Variants in ANK3 observed in about 807,000 individuals in gnomAD.
The protein encoded by ANK3 is ankyrin 3.
A neutral mutation model predicts 370.9 loss-of-function variants in ANK3; 57 were observed. That is an observed-to-expected ratio of 0.15 (90% CI 0.12 to 0.19). The LOEUF is 0.19. ANK3 is among the 10% of genes least tolerant of loss of function. The pLI, the probability that ANK3 is intolerant of heterozygous loss-of-function variation, is 1.00. For missense variants in ANK3, 4,439 were observed against 5,302.1 expected (o/e 0.84, Z 5.06); for synonymous variants, 1,929 against 1,946.3 (o/e 0.99, Z 0.23).
chr10:60,341,733 T>C (rs1454529002), intron 1 of ANK3, among the ~76,000 whole-genome samples: 2 of 152,182 alleles, frequency 1.3e-5, no homozygotes, highest in South Asian at 2.1e-4. Context: ...CACTGAGTGA[T>C]TGGTTTTTGA....
rs562348219 is a variant in ANK3 at position 60,708,680 on chromosome 10, G to A, written c.57+24583C>T. Among the ~76,000 whole-genome samples, 9 of 152,258 alleles carry A rather than the reference G, an allele frequency of 5.9e-5. No individual in the cohort carries two copies. In the East Asian group the frequency reaches 1.7e-3, roughly 29 times the overall value. On this transcript the variant is annotated intron_variant, in intron 1 of 43. Coordinates refer to the ANK3 transcript ENST00000373827. ...AGATCCTAACCCACCTGAGGGAAAA[G>A]AAATACCCAATTCCAGTACCCCCTA...
Position 60,075,197 on chromosome 10 carries a change from AAAG to A in ANK3, c.5681_5683del (p.Ser1894del). On this transcript the variant is annotated inframe_deletion, in exon 37 of 44. Coordinates refer to ENST00000280772, the MANE Select transcript of ANK3 (RefSeq NM_020987.5). ...TTTTAGTATCTCCTGACTGGAAGAT[AAAG>A]AAGATGGTGTAGACAACTTAAGGGC... 1 of 1,614,186 alleles carries A rather than the reference AAAG, an allele frequency of 6.2e-7. No homozygotes were observed. Among genetic ancestry groups the A allele is most frequent in the South Asian group, 1.1e-5 (1 of 91,086 alleles).
intron 1 of ANK3, among the ~76,000 whole-genome samples, chr10:60,631,590 C>A (rs970710501): frequency 3.3e-5 from 5 of 151,868 alleles, no homozygotes; most frequent in South Asian, 2.1e-4. Flanking sequence ...AATTGTTATC[C>A]ATAAATATAA....
At chr10:60,422,119 GT>G (rs1381821501) in intron 2 of ANK3, among the ~76,000 whole-genome samples, 7 of 151,998 alleles carry the variant, frequency 4.6e-5, no homozygotes, top group Non-Finnish European at 2.9e-5. Context: ...GCTTGCAGTA[GT>G]TTTTAAATGT....
rs80325401 is a variant in ANK3, at chr10:60,459,746, T to C, written c.96+155440A>G. Among the ~76,000 whole-genome samples the C allele has an allele frequency of 6.8e-3, 1,029 of 152,262 alleles. 5 individuals are homozygous for C. The highest frequency in any genetic ancestry group is 0.011 in the Non-Finnish European group (743 of 68,012). On this transcript the variant is annotated intron_variant, in intron 2 of 43. Coordinates refer to the ANK3 transcript ENST00000373827. ...CTTAATGAACCAAAGGCATCTCAGA[T>C]CACTAGCCCTGAGTTCCTTCAATGG...
In ANK3 at chr10:60,072,643, G is replaced by T. The variant is rs1418110098; in HGVS notation, c.8238C>A (p.Ile2746=). 1.9e-6 allele frequency: 3 copies of T among 1,613,766 alleles called. No homozygotes were observed. Among genetic ancestry groups the T allele is most frequent in the South Asian group, 1.1e-5 (1 of 91,018 alleles). The change falls in exon 37 of 44, where the codon ATC becomes ATA. Residue 2746 remains isoleucine (I), a synonymous_variant. Coordinates refer to ENST00000280772, the MANE Select transcript of ANK3 (RefSeq NM_020987.5). ...TGCTCTCCTGTATTTTTTTAACTGG[G>T]ATTCTGGACTGGCCATCTGACTTTC... ...EDRKSDGQSR[I]PVKKIQESKL...
rs1439062998 is a variant in ANK3 at position 60,226,549 on chromosome 10, ACTATAGTATATATACATAGTATAT to A, written c.897+8115_897+8138del. ...TATAGTATATATACATAGTATATAT[ACTATAGTATATATACATAGTATAT>A]GTATATATACTATGTATATATACTA... is the stretch of plus-strand genomic sequence containing the variant. On this transcript the variant is annotated intron_variant, in intron 8 of 43. Transcript: ENST00000280772. 9.7e-4 allele frequency among the ~76,000 whole-genome samples: 23 copies of A among 23,830 alleles called. No homozygotes were observed. In the South Asian group the frequency reaches 0.016, roughly 16 times the overall value. 15.6% of individuals were successfully genotyped at this position (23,830 alleles called of 152,430 possible).
At chr10:60,447,199 G>A (rs2064471204) in intron 2 of ANK3, among the ~76,000 whole-genome samples, 1 of 152,172 alleles carries the variant, frequency 6.6e-6, no homozygotes, top group African/African-American at 2.4e-5. Context: ...TTCCCTCAGA[G>A]AGGAAGAAGA....
chr10:60,060,235 T>C (rs753617088), intron 40 of ANK3: 18 of 351,606 alleles, frequency 5.1e-5, no homozygotes, highest in Non-Finnish European at 7.7e-5. Context: ...TGTTTCTGTT[T>C]TGGAAATTAT....
At chr10:60,496,044 T>C (rs1236633260) in intron 2 of ANK3, among the ~76,000 whole-genome samples, 2 of 152,068 alleles carry the variant, frequency 1.3e-5, no homozygotes, top group African/African-American at 4.8e-5. Flanking sequence ...CTAATTTATA[T>C]AGCTAGGGTC....
intron 8 of ANK3, among the ~76,000 whole-genome samples, chr10:60,227,144 T>C (rs2097176303): frequency 1.3e-5 from 2 of 152,018 alleles, no homozygotes; most frequent in African/African-American, 4.8e-5. Context: ...GTTTTGCTTT[T>C]ATTATGTAAA....
At chr10:60,472,988 C>T (rs1216250189) in intron 2 of ANK3, among the ~76,000 whole-genome samples, 2 of 152,190 alleles carry the variant, frequency 1.3e-5, no homozygotes, top group African/African-American at 4.8e-5. Context: ...TCCTTCCCCA[C>T]AGGCAGCTCT....
At chr10:60,207,383 T>C (rs1208446281) in intron 10 of ANK3, among the ~76,000 whole-genome samples, 1 of 152,208 alleles carries the variant, frequency 6.6e-6, no homozygotes, top group Non-Finnish European at 1.5e-5. Flanking sequence ...TAAAATTGGG[T>C]GACTTATTTT....
chr10:60,614,282 C>A (rs1010865046), intron 2 of ANK3, among the ~76,000 whole-genome samples: 1 of 151,924 alleles, frequency 6.6e-6, no homozygotes, highest in Non-Finnish European at 1.5e-5. Context: ...CATATGAATG[C>A]GGAAGACATC....
intron 1 of ANK3, among the ~76,000 whole-genome samples, chr10:60,361,909 T>C (rs2058668156): frequency 6.6e-6 from 1 of 152,224 alleles, no homozygotes; most frequent in African/African-American, 2.4e-5. Flanking sequence ...CTTTTTCTTA[T>C]TGGAAAACAC....
rs201470052 is a variant in ANK3 at position 60,088,401 on chromosome 10, T to C, written c.3329-43A>G. ...AGAAAATGCCATGAGAATAAGCATA[T>C]CTACAACATACCTTAAGTCAAAATG... On this transcript the variant is annotated intron_variant, in intron 28 of 43. Transcript: ENST00000280772. 51 of 1,509,468 alleles carry C rather than the reference T, an allele frequency of 3.4e-5. No homozygotes were observed. The African/African-American group carries it at 6.3e-4, about 19-fold the overall frequency. The allele number at this position is 1,509,468 out of a possible 1,614,324, so 93.5% of individuals were successfully genotyped here. A position where few individuals can be genotyped will look rare whatever the true frequency, so the allele number is the denominator to read the frequency against.
chr10:60,482,269 C>T (rs1186096982), intron 2 of ANK3, among the ~76,000 whole-genome samples: 1 of 152,126 alleles, frequency 6.6e-6, no homozygotes, highest in Non-Finnish European at 1.5e-5. Context: ...ATTCCAAACC[C>T]CACATTCATA....
chr10:60,206,591 C>T (rs1565674852), intron 10 of ANK3, among the ~76,000 whole-genome samples: 1 of 152,182 alleles, frequency 6.6e-6, no homozygotes, highest in Non-Finnish European at 1.5e-5. Context: ...ATTCTGTTCT[C>T]TTTGCTGTGT....
chr10:60,480,391 C>T (rs2075180664), intron 2 of ANK3, among the ~76,000 whole-genome samples: 1 of 152,004 alleles, frequency 6.6e-6, no homozygotes, highest in South Asian at 2.1e-4. Context: ...AAATTCACAC[C>T]TAATGAATGA....
Sources: gnomAD v4.1 joint callset for allele counts (sites outside exome capture counted in the v4.1 genomes callset) on GRCh38, gnomAD v4.1.1 for gene constraint, MANE v1.5 for transcripts, NCBI Gene and HGNC (gene_info 2026-07-23, HGNC 2026-07-21) for gene names.